CRYBG3: variants seen among roughly 807,000 people sequenced by gnomAD.
CRYBG3 encodes crystallin beta-gamma domain containing 3, also known as very large A-kinase anchor protein.
Under a neutral mutation model 244.2 loss-of-function variants are expected in CRYBG3, and 127 were observed. That is an observed-to-expected ratio of 0.52 (90% CI 0.45 to 0.60). The LOEUF (loss-of-function observed/expected upper bound fraction) is 0.60. Ranked by LOEUF, CRYBG3 falls within the 20% of genes least tolerant of loss-of-function variation. The pLI is 0.00. For synonymous variants in CRYBG3, 1,132 were observed against 1,195.8 expected (o/e 0.95, Z 1.10); for missense variants, 3,325 against 3,442.5 (o/e 0.97, Z 0.85).
At chr3:97,887,231 T>C (rs1037826720) in intron 8 of CRYBG3, among the ~76,000 whole-genome samples, 3 of 152,192 alleles carry the variant, frequency 2.0e-5, no homozygotes, top group Admixed American at 2.0e-4. Context: ...AAGCATGGAT[T>C]TGATACTAGG....
chr3:97,859,056 T>C (rs1293557621), intron 2 of CRYBG3, among the ~76,000 whole-genome samples: 2 of 152,204 alleles, frequency 1.3e-5, no homozygotes, highest in Non-Finnish European at 2.9e-5. Flanking sequence ...ATATGTTTTT[T>C]TGGGCTGTCA....
intron 1 of CRYBG3, among the ~76,000 whole-genome samples, chr3:97,835,907 G>A (rs140956804): frequency 6.6e-6 from 1 of 152,258 alleles, no homozygotes; most frequent in African/African-American, 2.4e-5. Flanking sequence ...TCTTGTGGGG[G>A]TGAGTCAAAC....
Position 97,876,835 on chromosome 3 carries a change from A to C in CRYBG3, c.5641A>C (p.Thr1881Pro), listed in dbSNP as rs1278057120. ...ACATGGAACAGGACTAGAATTGACC[A>C]CTAAACAAGGGGAGGCCATGCTTCC... ...KIHGTGLELT[T>P]KQGEAMLPAF... Residue 1881 changes from threonine to proline, a missense_variant, in exon 4 of 22, where the codon ACT (threonine) becomes CCT (proline). This residue lies in a region of CRYBG3 where 635 missense variants were observed against 771.7 expected (regional missense o/e 0.82). Coordinates refer to ENST00000389622, the MANE Select transcript of CRYBG3 (RefSeq NM_153605.4). 1 of 1,375,394 alleles carries C rather than the reference A, an allele frequency of 7.3e-7. No homozygotes were observed. Among genetic ancestry groups the C allele is most frequent in the Non-Finnish European group, 9.4e-7 (1 of 1,067,492 alleles). 85.2% of individuals were successfully genotyped at this position (1,375,394 alleles called of 1,614,324 possible). A position where few individuals can be genotyped will look rare whatever the true frequency, so the allele number is the denominator to read the frequency against.
intron 20 of CRYBG3, 38 bp from the exon 21 acceptor site, chr3:97,942,246 C>T: frequency 6.4e-7 from 1 of 1,559,936 alleles, no homozygotes. Flanking sequence ...CTTTAGCAAA[C>T]ATACTACTGC....
At chr3:97,924,422 A>G (rs1413050883) in intron 17 of CRYBG3, 1 of 453,708 alleles carries the variant, frequency 2.2e-6, no homozygotes, top group Non-Finnish European at 4.4e-6. Flanking sequence ...GTGAAAGGCA[A>G]ATGTATTAGT....
intron 15 of CRYBG3, among the ~76,000 whole-genome samples, chr3:97,904,248 C>A (rs1479369934): frequency 6.6e-6 from 1 of 152,102 alleles, no homozygotes; most frequent in Admixed American, 6.6e-5. Flanking sequence ...ATAAGGTGAT[C>A]AAAGTGAGGC....
intron 1 of CRYBG3, among the ~76,000 whole-genome samples, chr3:97,838,196 C>A (rs974118851): frequency 6.6e-6 from 1 of 152,106 alleles, no homozygotes; most frequent in Non-Finnish European, 1.5e-5. Flanking sequence ...TAGGGCAACA[C>A]CTCTTTTCTG....
At position 97,822,117 on chromosome 3, in the gene CRYBG3, C is replaced by T; in HGVS notation, c.-90C>T. 1 of 1,246,522 alleles carries T rather than the reference C, an allele frequency of 8.0e-7. No individual in the cohort carries two copies. Among genetic ancestry groups the T allele is most frequent in the Non-Finnish European group, 1.1e-6 (1 of 951,854 alleles). The allele number at this position is 1,246,522 out of a possible 1,614,324, so 77.2% of individuals were successfully genotyped here. A position where few individuals can be genotyped will look rare whatever the true frequency, so the allele number is the denominator to read the frequency against. On this transcript the variant is annotated 5_prime_UTR_variant, in exon 1 of 22. Coordinates refer to ENST00000389622, the MANE Select transcript of CRYBG3 (RefSeq NM_153605.4). ...GCGTCGAGTCGGTCTGCCCTAGCCG[C>T]ATCCCGCGGCGCCCGGTCGGGCTCC... is the stretch of plus-strand genomic sequence containing the variant.
chr3:97,891,186 G>A (rs1048493190), intron 10 of CRYBG3, among the ~76,000 whole-genome samples: 1 of 151,950 alleles, frequency 6.6e-6, no homozygotes, highest in African/African-American at 2.4e-5. Context: ...AGTTCTTTAG[G>A]GGAAATTCAG....
intron 15 of CRYBG3, 152 bp from the exon 16 acceptor site, chr3:97,912,015 T>C (rs2039878142): frequency 4.3e-6 from 2 of 465,514 alleles, no homozygotes; most frequent in Non-Finnish European, 7.6e-6. Context: ...AGCATATCAT[T>C]ATCCCTAACA....
chr3:97,878,009 G>T lies in CRYBG3; in HGVS notation c.6815G>T (p.Ser2272Ile). Residue 2272 changes from serine to isoleucine, a missense_variant, in exon 4 of 22, where the codon AGC (serine) becomes ATC (isoleucine). This residue lies in a region of CRYBG3 where 450 missense variants were observed against 424.1 expected (regional missense o/e 1.06). Coordinates refer to ENST00000389622, the MANE Select transcript of CRYBG3 (RefSeq NM_153605.4). ...TCAAAATATTTCCGTGTTCAAGACA[G>T]CCCAGGCAGATTGAGCCCATTTATA... ...PVSKYFRVQD[S>I]PGRLSPFIEN... is the part of the protein sequence containing the mutation. 3 of 1,613,010 alleles carry T rather than the reference G, an allele frequency of 1.9e-6. No individual in the cohort carries two copies. The highest frequency in any genetic ancestry group is 2.5e-6 in the Non-Finnish European group (3 of 1,179,664).
chr3:97,902,650 T>G (rs984425575), intron 15 of CRYBG3, among the ~76,000 whole-genome samples: 2 of 152,070 alleles, frequency 1.3e-5, no homozygotes, highest in Admixed American at 1.3e-4. Flanking sequence ...TGTTCCCTTC[T>G]CTGTGCCCAT....
At chr3:97,834,272 A>T (rs2038698121) in intron 1 of CRYBG3, among the ~76,000 whole-genome samples, 1 of 152,174 alleles carries the variant, frequency 6.6e-6, no homozygotes. Flanking sequence ...GATGGACCCT[A>T]GTACAGTTAT....
rs565644178 is a variant in CRYBG3, at chr3:97,865,247, T to C, written c.647+600T>C. Among the ~76,000 whole-genome samples, 461 of 152,324 alleles carry C rather than the reference T, an allele frequency of 3.0e-3. 1 individual carries two copies. The highest frequency in any genetic ancestry group is 5.0e-3 in the Non-Finnish European group (341 of 68,014). On this transcript the variant is annotated intron_variant, in intron 3 of 21. Transcript: ENST00000389622. ...AATTAAGGAATGTTTATAACATTGTTGAGTCCATTCAATATTTTGTGTGAC... is the reference window on the plus strand; with the variant it reads ...AATTAAGGAATGTTTATAACATTGTCGAGTCCATTCAATATTTTGTGTGAC...
At chr3:97,919,159 T>TTG (rs1259125556) in intron 17 of CRYBG3, among the ~76,000 whole-genome samples, 1 of 152,102 alleles carries the variant, frequency 6.6e-6, no homozygotes, top group Admixed American at 6.6e-5. Flanking sequence ...TTTTAAAAAC[T>TTG]TGAGATTAAT....
chr3:97,932,597 C>G (rs1246143383), intron 17 of CRYBG3, among the ~76,000 whole-genome samples: 1 of 152,038 alleles, frequency 6.6e-6, no homozygotes, highest in Non-Finnish European at 1.5e-5. Flanking sequence ...TTCTTATCTA[C>G]CGAGTTGCAG....
At chr3:97,903,612 A>G (rs1326490007) in intron 15 of CRYBG3, among the ~76,000 whole-genome samples, 2 of 152,164 alleles carry the variant, frequency 1.3e-5, no homozygotes, top group African/African-American at 4.8e-5. Flanking sequence ...CTATTTTAGT[A>G]TTGGAGTAAC....
At chr3:97,886,493 C>T in intron 7 of CRYBG3, 138 bp from the exon 8 acceptor site, 3 of 604,648 alleles carry the variant, frequency 5.0e-6, no homozygotes, top group Non-Finnish European at 5.2e-6. Flanking sequence ...TGAGGAGAAA[C>T]AATATTTCCT....
intron 15 of CRYBG3, among the ~76,000 whole-genome samples, chr3:97,905,651 G>C (rs1419611530): frequency 6.7e-6 from 1 of 150,288 alleles, no homozygotes; most frequent in Non-Finnish European, 1.5e-5. Flanking sequence ...TTAGCCCTTT[G>C]TCAGATGAGT....
Sources: gnomAD v4.1 joint callset for allele counts (sites outside exome capture counted in the v4.1 genomes callset) on GRCh38, gnomAD v4.1.1 for gene constraint, gnomAD v4.1.1 regional missense constraint, MANE v1.5 for transcripts, NCBI Gene and HGNC (gene_info 2026-07-23, HGNC 2026-07-21) for gene names.